Variants in KRTAP2-1 observed in about 807,000 individuals in gnomAD.
KRTAP2-1 encodes keratin-associated protein 2-1.
Under a neutral mutation model 11.6 loss-of-function variants are expected in KRTAP2-1, and 5 were observed. That is an observed-to-expected ratio of 0.43 (90% CI 0.22 to 0.90). KRTAP2-1 has a LOEUF of 0.90. Among genes scored for constraint, KRTAP2-1 ranks in the 40% least tolerant of loss-of-function variants. KRTAP2-1 has a pLI of 0.26. For missense variants in KRTAP2-1, 40 were observed against 191.3 expected (o/e 0.21, Z 4.67); for synonymous variants, 19 against 81.9 (o/e 0.23, Z 4.15).
chr17:41,047,148 C>G lies in KRTAP2-1; in HGVS notation c.120G>C (p.Val40=). ...GGGGCACGCAGGTCACGGGGCGGCA[C>G]ACGGTGGTCTGGCAGGTCACGGGGC... is the stretch of plus-strand genomic sequence containing the variant. ...CCRPVTCQTT[V]CRPVTCVPRC... is the part of the protein sequence containing the mutation. Residue 40 remains valine, a synonymous_variant, in exon 1 of 1, where the codon GTG becomes GTC. Coordinates refer to ENST00000391419, the MANE Select transcript of KRTAP2-1 (RefSeq NM_001123387.1). 2.2e-6 allele frequency: 3 copies of G among 1,372,916 alleles called. No homozygotes were observed. In the South Asian group the frequency reaches 4.5e-5, roughly 21 times the overall value. 85.0% of individuals were successfully genotyped at this position (1,372,916 alleles called of 1,614,324 possible).
At position 41,046,557 on chromosome 17, in the gene KRTAP2-1, G is replaced by A. The variant is rs1300518373; in HGVS notation, c.*324C>T. On this transcript the variant is annotated 3_prime_UTR_variant, in exon 1 of 1. Coordinates refer to ENST00000391419, the MANE Select transcript of KRTAP2-1 (RefSeq NM_001123387.1). ...AACCAAATCTTTTTGCAAGGCCAAAGAACAGATATTTATTAGAAAATAAAC... is the reference window on the plus strand; with the variant it reads ...AACCAAATCTTTTTGCAAGGCCAAAAAACAGATATTTATTAGAAAATAAAC... 1 of 564,550 alleles carries A rather than the reference G, an allele frequency of 1.8e-6. No individual in the cohort carries two copies. Among genetic ancestry groups the A allele is most frequent in the East Asian group, 3.0e-5 (1 of 33,548 alleles). 35.0% of individuals were successfully genotyped at this position (564,550 alleles called of 1,614,324 possible). A position where few individuals can be genotyped will look rare whatever the true frequency, so the allele number is the denominator to read the frequency against.
At position 41,046,646 on chromosome 17, in the gene KRTAP2-1, T is replaced by G; in HGVS notation, c.*235A>C. ...TACAGACTTCAGAATGGCCCAGGTC[T>G]TAATAGATGAGCCCAGTGCTCGGTT... On this transcript the variant is annotated 3_prime_UTR_variant, in exon 1 of 1. Coordinates refer to ENST00000391419, the MANE Select transcript of KRTAP2-1 (RefSeq NM_001123387.1). 1 of 1,178,224 alleles carries G rather than the reference T, an allele frequency of 8.5e-7. No individual in the cohort carries two copies. Among genetic ancestry groups the G allele is most frequent in the Non-Finnish European group, 1.2e-6 (1 of 862,022 alleles). 73.0% of individuals were successfully genotyped at this position (1,178,224 alleles called of 1,614,324 possible).
Position 41,046,667 on chromosome 17 carries a change from C to T in KRTAP2-1, c.*214G>A, listed in dbSNP as rs12951055. The T allele has an allele frequency of 0.061, 81,616 of 1,347,744 alleles. 2,916 individuals carry two copies. Among genetic ancestry groups the T allele is most frequent in the Middle Eastern group, 0.089 (332 of 3,738 alleles). The allele number at this position is 1,347,744 out of a possible 1,614,324, so 83.5% of individuals were successfully genotyped here. A position where few individuals can be genotyped will look rare whatever the true frequency, so the allele number is the denominator to read the frequency against. ...GGTCTTAATAGATGAGCCCAGTGCT[C>T]GGTTCCCTGCTTGGTTGATGTGGGG... is the stretch of plus-strand genomic sequence containing the variant. On this transcript the variant is annotated 3_prime_UTR_variant, in exon 1 of 1. Transcript: ENST00000391419.
chr17:41,047,241 G>A lies in KRTAP2-1; in HGVS notation c.27C>T (p.Thr9=). 1 of 1,444,464 alleles carries A rather than the reference G, an allele frequency of 6.9e-7. No individual in the cohort carries two copies. Among genetic ancestry groups the A allele is most frequent in the East Asian group, 2.5e-5 (1 of 40,152 alleles). 89.5% of individuals were successfully genotyped at this position (1,444,464 alleles called of 1,614,324 possible). The part of the protein sequence containing the change: MTGSCCGS[T]FSSLSYGGGC... The stretch of plus-strand genomic sequence containing the variant: ...CTCCCCCGTAGCTCAGGGAGGAGAA[G>A]GTGGAGCCGCAGCAGGAGCCGGTCA... Residue 9 remains threonine, a synonymous_variant, in exon 1 of 1, where the codon ACC becomes ACT. Coordinates refer to ENST00000391419, the MANE Select transcript of KRTAP2-1 (RefSeq NM_001123387.1).
In KRTAP2-1 at chr17:41,046,978, G is replaced by C. The variant is rs1439869821; in HGVS notation, c.290C>G (p.Thr97Ser). The change falls in exon 1 of 1, where the codon ACC becomes AGC. Residue 97 changes from threonine to serine, a missense_variant. Thr to Ser is a moderately conservative substitution (Grantham distance 58). Coordinates refer to ENST00000391419, the MANE Select transcript of KRTAP2-1 (RefSeq NM_001123387.1). ...CTGCACAGACACAGGCTGGCAGCAG[G>C]TGGTGGCCCAGCAGCAGGGCCTGCA... Reference protein sequence around the residue: ...VVCRPCCWATTCCQPVSVQSP... With the variant: ...VVCRPCCWATSCCQPVSVQSP... The C allele has an allele frequency of 6.5e-7, 1 of 1,536,048 alleles. No homozygotes were observed. Among genetic ancestry groups the C allele is most frequent in the South Asian group, 1.2e-5 (1 of 83,854 alleles).
Position 41,046,786 on chromosome 17 carries a change from A to T in KRTAP2-1, c.*95T>A. 7.1e-7 allele frequency: 1 copy of T among 1,411,540 alleles called. No individual in the cohort carries two copies. The highest frequency in any genetic ancestry group is 9.3e-7 in the Non-Finnish European group (1 of 1,070,222). 87.4% of individuals were successfully genotyped at this position (1,411,540 alleles called of 1,614,324 possible). ...GTTACGCGTTCCGGGCAGTCAGTGC[A>T]CTGCTCAGCAGGAGGAGGTCCTGCA... is the stretch of plus-strand genomic sequence containing the variant. On this transcript the variant is annotated 3_prime_UTR_variant, in exon 1 of 1. Transcript: ENST00000391419.
At position 41,046,702 on chromosome 17, in the gene KRTAP2-1, C is replaced by A; in HGVS notation, c.*179G>T. 3 of 1,474,384 alleles carry A rather than the reference C, an allele frequency of 2.0e-6. No homozygotes were observed. The highest frequency in any genetic ancestry group is 2.7e-6 in the Non-Finnish European group (3 of 1,109,816). 91.3% of individuals were successfully genotyped at this position (1,474,384 alleles called of 1,614,324 possible). A position where few individuals can be genotyped will look rare whatever the true frequency, so the allele number is the denominator to read the frequency against. ...CTTGGTTGATGTGGGGTTTTGTGGGCTCAGGGCAGGAGGTTTGTTAAAGTA... is the reference window on the plus strand; with the variant it reads ...CTTGGTTGATGTGGGGTTTTGTGGGATCAGGGCAGGAGGTTTGTTAAAGTA... On this transcript the variant is annotated 3_prime_UTR_variant, in exon 1 of 1. Coordinates refer to ENST00000391419, the MANE Select transcript of KRTAP2-1 (RefSeq NM_001123387.1).
rs1383735747 is a variant in KRTAP2-1 at position 41,047,216 on chromosome 17, C to T, written c.52G>A (p.Gly18Ser). The change falls in exon 1 of 1, where the codon GGC becomes AGC. Residue 18 changes from glycine to serine, a missense_variant. Gly to Ser is a moderately conservative substitution (Grantham distance 56). Coordinates refer to ENST00000391419, the MANE Select transcript of KRTAP2-1 (RefSeq NM_001123387.1). ...CGGCAGCAGCAGGGCTGGCAGCAGCCTCCCCCGTAGCTCAGGGAGGAGAAG... is the reference window on the plus strand; with the variant it reads ...CGGCAGCAGCAGGGCTGGCAGCAGCTTCCCCCGTAGCTCAGGGAGGAGAAG... The part of the protein sequence containing the change: ...STFSSLSYGG[G>S]CCQPCCCRDP... 1 of 1,441,674 alleles carries T rather than the reference C, an allele frequency of 6.9e-7. No homozygotes were observed. Among genetic ancestry groups the T allele is most frequent in the East Asian group, 2.5e-5 (1 of 40,140 alleles). The allele number at this position is 1,441,674 out of a possible 1,614,324, so 89.3% of individuals were successfully genotyped here.
Position 41,046,873 on chromosome 17 carries a change from G to A in KRTAP2-1, c.*8C>T, listed in dbSNP as rs1435366607. ...CTGCACAGACACAGGCTGGCAGCAG[G>A]TGGTGGCTCAGCAGGAGGAGGTCCT... On this transcript the variant is annotated 3_prime_UTR_variant, in exon 1 of 1. Coordinates refer to ENST00000391419, the MANE Select transcript of KRTAP2-1 (RefSeq NM_001123387.1). 6 of 1,554,220 alleles carry A rather than the reference G, an allele frequency of 3.9e-6. No individual in the cohort carries two copies. In the African/African-American group the frequency reaches 5.4e-5, roughly 14 times the overall value.
At position 41,046,603 on chromosome 17, in the gene KRTAP2-1, G is replaced by A; in HGVS notation, c.*278C>T. The A allele has an allele frequency of 1.4e-6, 1 of 732,532 alleles. No individual in the cohort carries two copies. Among genetic ancestry groups the A allele is most frequent in the Non-Finnish European group, 2.0e-6 (1 of 491,074 alleles). 45.4% of individuals were successfully genotyped at this position (732,532 alleles called of 1,614,324 possible). A position where few individuals can be genotyped will look rare whatever the true frequency, so the allele number is the denominator to read the frequency against. On this transcript the variant is annotated 3_prime_UTR_variant, in exon 1 of 1. Coordinates refer to ENST00000391419, the MANE Select transcript of KRTAP2-1 (RefSeq NM_001123387.1). ...TAAACATGCCACGAAATCTTAAGAA[G>A]AAGGAAATTGCTTCTTTTACAGACT...
chr17:41,046,773 G>A lies in KRTAP2-1; in HGVS notation c.*108C>T, dbSNP rs1279276144. ...TTTCAGAAGGTGAGTTACGCGTTCC[G>A]GGCAGTCAGTGCACTGCTCAGCAGG... On this transcript the variant is annotated 3_prime_UTR_variant, in exon 1 of 1. Coordinates refer to ENST00000391419, the MANE Select transcript of KRTAP2-1 (RefSeq NM_001123387.1). 8 of 1,502,154 alleles carry A rather than the reference G, an allele frequency of 5.3e-6. No homozygotes were observed. The highest frequency in any genetic ancestry group is 2.5e-5 in the East Asian group (1 of 39,946). The allele number at this position is 1,502,154 out of a possible 1,614,324, so 93.1% of individuals were successfully genotyped here. A position where few individuals can be genotyped will look rare whatever the true frequency, so the allele number is the denominator to read the frequency against.
rs929081593 is a variant in KRTAP2-1, at chr17:41,047,271, G to A, written c.-4C>T. On this transcript the variant is annotated 5_prime_UTR_variant, in exon 1 of 1. Coordinates refer to ENST00000391419, the MANE Select transcript of KRTAP2-1 (RefSeq NM_001123387.1). ...AGCCGCAGCAGGAGCCGGTCATGGT[G>A]GTGTCTGAGGCTGGTGTGGGTTGGG... is the stretch of plus-strand genomic sequence containing the variant. The A allele has an allele frequency of 3.1e-6, 3 of 958,316 alleles. No homozygotes were observed. The highest frequency in any genetic ancestry group is 3.9e-6 in the Non-Finnish European group (3 of 772,868). 59.4% of individuals were successfully genotyped at this position (958,316 alleles called of 1,614,324 possible). A position where few individuals can be genotyped will look rare whatever the true frequency, so the allele number is the denominator to read the frequency against.
rs2012842366 is a variant in KRTAP2-1 at position 41,046,590 on chromosome 17, G to T, written c.*291C>A. 3.0e-6 allele frequency: 2 copies of T among 674,198 alleles called. No individual in the cohort carries two copies. Among genetic ancestry groups the T allele is most frequent in the South Asian group, 3.5e-5 (1 of 28,512 alleles). The allele number at this position is 674,198 out of a possible 1,614,324, so 41.8% of individuals were successfully genotyped here. A position where few individuals can be genotyped will look rare whatever the true frequency, so the allele number is the denominator to read the frequency against. ...ATTTATTAGAAAATAAACATGCCACGAAATCTTAAGAAGAAGGAAATTGCT... is the reference window on the plus strand; with the variant it reads ...ATTTATTAGAAAATAAACATGCCACTAAATCTTAAGAAGAAGGAAATTGCT... On this transcript the variant is annotated 3_prime_UTR_variant, in exon 1 of 1. Transcript: ENST00000391419.
chr17:41,046,682 T>G lies in KRTAP2-1; in HGVS notation c.*199A>C. 3 of 1,417,830 alleles carry G rather than the reference T, an allele frequency of 2.1e-6. No individual in the cohort carries two copies. Among genetic ancestry groups the G allele is most frequent in the Non-Finnish European group, 2.8e-6 (3 of 1,065,322 alleles). The allele number at this position is 1,417,830 out of a possible 1,614,324, so 87.8% of individuals were successfully genotyped here. A position where few individuals can be genotyped will look rare whatever the true frequency, so the allele number is the denominator to read the frequency against. On this transcript the variant is annotated 3_prime_UTR_variant, in exon 1 of 1. Coordinates refer to ENST00000391419, the MANE Select transcript of KRTAP2-1 (RefSeq NM_001123387.1). ...GCCCAGTGCTCGGTTCCCTGCTTGG[T>G]TGATGTGGGGTTTTGTGGGCTCAGG... is the stretch of plus-strand genomic sequence containing the variant.
In KRTAP2-1 at chr17:41,047,094, G is replaced by T. The variant is rs1294999688; in HGVS notation, c.174C>A (p.Cys58Ter). The T allele has an allele frequency of 9.7e-6, 13 of 1,338,570 alleles. No individual in the cohort carries two copies. Among genetic ancestry groups the T allele is most frequent in the Admixed American group, 2.6e-5 (1 of 38,868 alleles). 82.9% of individuals were successfully genotyped at this position (1,338,570 alleles called of 1,614,324 possible). Residue 58 changes from cysteine (C) to a stop codon, truncating the protein, a stop_gained, in exon 1 of 1, where the codon TGC becomes TGA. Transcript: ENST00000391419. LOFTEE classifies it high-confidence loss of function. ...PRCTRPICEP[C>*]RRPVCCDPCS... is the part of the protein sequence containing the mutation. Reference sequence around the variant, plus strand: ...AGGGGTCGCAGCACACCGGGCGGCGGCAGGGCTCGCAGATGGGGCGCGTGC... The same window carrying T: ...AGGGGTCGCAGCACACCGGGCGGCGTCAGGGCTCGCAGATGGGGCGCGTGC...
In KRTAP2-1 at chr17:41,046,566, T is replaced by G. The variant is rs975631933; in HGVS notation, c.*315A>C. 7 of 581,450 alleles carry G rather than the reference T, an allele frequency of 1.2e-5. No homozygotes were observed. Among genetic ancestry groups the G allele is most frequent in the Non-Finnish European group, 2.0e-5 (7 of 356,792 alleles). The allele number at this position is 581,450 out of a possible 1,614,324, so 36.0% of individuals were successfully genotyped here. A position where few individuals can be genotyped will look rare whatever the true frequency, so the allele number is the denominator to read the frequency against. ...TTTTTGCAAGGCCAAAGAACAGATA[T>G]TTATTAGAAAATAAACATGCCACGA... On this transcript the variant is annotated 3_prime_UTR_variant, in exon 1 of 1. Coordinates refer to ENST00000391419, the MANE Select transcript of KRTAP2-1 (RefSeq NM_001123387.1).
At position 41,046,600 on chromosome 17, in the gene KRTAP2-1, G is replaced by C. The variant is rs1454302910; in HGVS notation, c.*281C>G. 6.9e-6 allele frequency: 5 copies of C among 723,916 alleles called. No individual in the cohort carries two copies. The highest frequency in any genetic ancestry group is 8.3e-6 in the Non-Finnish European group (4 of 483,590). The allele number at this position is 723,916 out of a possible 1,614,324, so 44.8% of individuals were successfully genotyped here. On this transcript the variant is annotated 3_prime_UTR_variant, in exon 1 of 1. Transcript: ENST00000391419. ...AAATAAACATGCCACGAAATCTTAA[G>C]AAGAAGGAAATTGCTTCTTTTACAG...
chr17:41,046,712 G>A lies in KRTAP2-1; in HGVS notation c.*169C>T, dbSNP rs34883066. 4 of 1,487,336 alleles carry A rather than the reference G, an allele frequency of 2.7e-6. No homozygotes were observed. In the African/African-American group the frequency reaches 4.2e-5, roughly 15 times the overall value. 92.1% of individuals were successfully genotyped at this position (1,487,336 alleles called of 1,614,324 possible). A position where few individuals can be genotyped will look rare whatever the true frequency, so the allele number is the denominator to read the frequency against. ...GTGGGGTTTTGTGGGCTCAGGGCAG[G>A]AGGTTTGTTAAAGTAGAGAAATGGG... On this transcript the variant is annotated 3_prime_UTR_variant, in exon 1 of 1. Coordinates refer to ENST00000391419, the MANE Select transcript of KRTAP2-1 (RefSeq NM_001123387.1).
At position 41,047,041 on chromosome 17, in the gene KRTAP2-1, G is replaced by C. The variant is rs946512423; in HGVS notation, c.227C>G (p.Pro76Arg). The C allele has an allele frequency of 1.4e-6, 2 of 1,465,590 alleles. No homozygotes were observed. Among genetic ancestry groups the C allele is most frequent in the East Asian group, 2.5e-5 (1 of 40,360 alleles). 90.8% of individuals were successfully genotyped at this position (1,465,590 alleles called of 1,614,324 possible). ...PCSLQEGCCR[P>R]ITCCPSSCTA... is the part of the protein sequence containing the mutation. ...GCACGACGAGGGGCAGCAGGTGATG[G>C]GGCGGCAGCAGCCTTCCTGCAGGGA... Residue 76 changes from proline (P) to arginine (R), a missense_variant, in exon 1 of 1, where the codon CCC becomes CGC. Pro to Arg is a moderately radical substitution (Grantham distance 103). Coordinates refer to ENST00000391419, the MANE Select transcript of KRTAP2-1 (RefSeq NM_001123387.1).
Sources: allele counts gnomAD v4.1 joint callset, GRCh38; gene constraint gnomAD v4.1.1; transcripts MANE v1.5; gene names NCBI Gene and HGNC (gene_info 2026-07-23, HGNC 2026-07-21).